PCCA: variants seen among roughly 807,000 people sequenced by gnomAD.
PCCA encodes propionyl-CoA carboxylase subunit alpha, also known as propionyl-CoA carboxylase alpha chain, mitochondrial.
Under a neutral mutation model 101.3 loss-of-function variants are expected in PCCA, and 74 were observed. The observed-to-expected ratio is 0.73, with a 90% CI of 0.61 to 0.89. The LOEUF (loss-of-function observed/expected upper bound fraction) is 0.89. Ranked by LOEUF, PCCA falls within the 40% of genes least tolerant of loss-of-function variation. PCCA has a pLI of 0.00. For missense variants in PCCA, 891 were observed against 907.0 expected, an observed-to-expected ratio of 0.98 and a Z score of 0.23; for synonymous variants, 294 against 313.6, an observed-to-expected ratio of 0.94 and a Z score of 0.66.
intron 10 of PCCA, among the ~76,000 whole-genome samples, chr13:100,265,282 A>G (rs1379752748): frequency 6.6e-6 from 1 of 152,022 alleles, no homozygotes; most frequent in Non-Finnish European, 1.5e-5. Flanking sequence ...TCCTTTACTT[A>G]TTATTATTTT....
chr13:100,232,237 G>T (rs1112044), intron 7 of PCCA, among the ~76,000 whole-genome samples: 79,583 of 151,856 alleles, frequency 0.52, 21,539 homozygotes, highest in East Asian at 0.72. Context: ...CTTTCCCTAT[G>T]AAATTGCTTC....
At chr13:100,269,423 T>C (rs2063159312) in intron 11 of PCCA, among the ~76,000 whole-genome samples, 2 of 152,264 alleles carry the variant, frequency 1.3e-5, no homozygotes, top group African/African-American at 4.8e-5. Context: ...TAGACTTTCA[T>C]GTTGGTGAAG....
At chr13:100,393,483 A>G (rs1297971619) in intron 19 of PCCA, among the ~76,000 whole-genome samples, 10 of 135,138 alleles carry the variant, frequency 7.4e-5, no homozygotes, top group Non-Finnish European at 1.1e-4. Context: ...CAATGGCGTG[A>G]TCTCAGCCCA....
At chr13:100,280,012 G>GTTTTT (rs10543745) in intron 12 of PCCA, among the ~76,000 whole-genome samples, 5 of 140,214 alleles carry the variant, frequency 3.6e-5, no homozygotes, top group Admixed American at 7.0e-5. Context: ...TTTTGTTTTT[G>GTTTTT]TTTTTTTTTT....
At chr13:100,339,573 T>C (rs921865222) in intron 17 of PCCA, among the ~76,000 whole-genome samples, 1 of 152,202 alleles carries the variant, frequency 6.6e-6, no homozygotes, top group African/African-American at 2.4e-5. Flanking sequence ...CAGCCGACTA[T>C]CCCAGGTCCA....
intron 21 of PCCA, chr13:100,473,032 A>C (rs577945885): frequency 6.6e-6 from 1 of 152,166 alleles, no homozygotes; most frequent in African/African-American, 2.4e-5. Context: ...CCAGTGACCA[A>C]ATCTTTAAGT....
intron 21 of PCCA, among the ~76,000 whole-genome samples, chr13:100,483,403 C>A (rs1193597967): frequency 6.6e-6 from 1 of 152,224 alleles, no homozygotes; most frequent in Non-Finnish European, 1.5e-5. Context: ...ACACACTTAG[C>A]CGGAGACACC....
intron 21 of PCCA, among the ~76,000 whole-genome samples, chr13:100,511,020 T>G (rs527530416): frequency 6.6e-6 from 1 of 152,322 alleles, no homozygotes; most frequent in African/African-American, 2.4e-5. Context: ...GTAGCTCAGA[T>G]ATCAGGCGAT....
intron 12 of PCCA, among the ~76,000 whole-genome samples, chr13:100,274,757 C>G (rs1012288251): frequency 6.6e-6 from 1 of 152,100 alleles, no homozygotes; most frequent in African/African-American, 2.4e-5. Flanking sequence ...CCATTTAGTA[C>G]GGCCTCATCA....
intron 19 of PCCA, among the ~76,000 whole-genome samples, chr13:100,412,340 T>C (rs1418373967): frequency 6.6e-6 from 1 of 152,200 alleles, no homozygotes; most frequent in Non-Finnish European, 1.5e-5. Flanking sequence ...ATGTATTCTT[T>C]ACTGCTCAGA....
chr13:100,440,874 G>C (rs2080320163), intron 20 of PCCA, among the ~76,000 whole-genome samples: 2 of 152,086 alleles, frequency 1.3e-5, no homozygotes, highest in Admixed American at 1.3e-4. Flanking sequence ...TTACATTCCT[G>C]ACATATCAAT....
At chr13:100,409,443 A>G (rs575616964) in intron 19 of PCCA, among the ~76,000 whole-genome samples, 2 of 152,256 alleles carry the variant, frequency 1.3e-5, no homozygotes, top group African/African-American at 2.4e-5. Context: ...AGGGAAAAAA[A>G]GGGGGAACAG....
intron 4 of PCCA, among the ~76,000 whole-genome samples, chr13:100,118,115 C>CA (rs1294806714): frequency 0.013 from 1,142 of 90,334 alleles, 20 homozygotes; most frequent in African/African-American, 0.037. Flanking sequence ...GACTCCATCT[C>CA]AAAAAAAAAG....
intron 19 of PCCA, among the ~76,000 whole-genome samples, chr13:100,373,252 T>C (rs1049368362): frequency 2.0e-5 from 3 of 152,128 alleles, no homozygotes; most frequent in Non-Finnish European, 4.4e-5. Context: ...CTCCCACCCG[T>C]TAGAATGGCT....
chr13:100,210,880 C>G, intron 7 of PCCA, among the ~76,000 whole-genome samples: 1 of 152,198 alleles, frequency 6.6e-6, no homozygotes, highest in South Asian at 2.1e-4. Flanking sequence ...CCATATTTAC[C>G]TGCATTTACT....
intron 21 of PCCA, 84 bp downstream of exon 21, chr13:100,449,389 T>C (rs1469665672): frequency 2.6e-6 from 2 of 762,058 alleles, no homozygotes; most frequent in East Asian, 5.6e-5. Flanking sequence ...TGAACTTGGC[T>C]TCATTACTGC....
At chr13:100,499,110 C>T (rs565441820) in intron 21 of PCCA, among the ~76,000 whole-genome samples, 43 of 152,274 alleles carry the variant, frequency 2.8e-4, no homozygotes, top group African/African-American at 9.9e-4. Flanking sequence ...AAACTATGGG[C>T]GTGTGCAGTC....
intron 4 of PCCA, among the ~76,000 whole-genome samples, chr13:100,126,899 G>T (rs2050012446): frequency 6.6e-6 from 1 of 152,154 alleles, no homozygotes; most frequent in African/African-American, 2.4e-5. Context: ...GTAATACTCA[G>T]TGTTAACCTG....
At chr13:100,459,207 A>C (rs954146978) in intron 21 of PCCA, among the ~76,000 whole-genome samples, 1 of 152,184 alleles carries the variant, frequency 6.6e-6, no homozygotes, top group Non-Finnish European at 1.5e-5. Flanking sequence ...ACCCTAATCC[A>C]GTGAAACCTC....
Sources: gnomAD v4.1 joint callset for allele counts (sites outside exome capture counted in the v4.1 genomes callset) on GRCh38, gnomAD v4.1.1 for gene constraint, MANE v1.5 for transcripts, NCBI Gene and HGNC (gene_info 2026-07-23, HGNC 2026-07-21) for gene names.